Variants in CARMIL1 observed in about 807,000 individuals in gnomAD.
CARMIL1 encodes the protein capping protein regulator and myosin 1 linker 1, also known as F-actin-uncapping protein LRRC16A.
In CARMIL1, 90 loss-of-function variants were observed where a neutral mutation model predicts 177.1. The ratio of observed to expected loss-of-function variants is 0.51; its 90% confidence interval spans 0.43 to 0.61. The LOEUF is 0.61. CARMIL1 is among the 20% of genes least tolerant of loss of function. CARMIL1 has a pLI of 0.00. For missense variants in CARMIL1, 1,380 were observed against 1,667.0 expected, an observed-to-expected ratio of 0.83 and a Z score of 3.00; for synonymous variants, 577 against 606.2, an observed-to-expected ratio of 0.95 and a Z score of 0.71.
At chr6:25,372,923 C>G (rs1278637956) in intron 2 of CARMIL1, among the ~76,000 whole-genome samples, 1 of 152,010 alleles carries the variant, frequency 6.6e-6, no homozygotes, top group Non-Finnish European at 1.5e-5. Context: ...TTCCTTCTAT[C>G]CCTAGTTTGT....
chr6:25,483,799 G>T (rs1802365082), intron 12 of CARMIL1, among the ~76,000 whole-genome samples: 1 of 151,698 alleles, frequency 6.6e-6, no homozygotes, highest in South Asian at 2.1e-4. Flanking sequence ...ACAGGGTCTT[G>T]CTCTGTCACC....
At chr6:25,440,412 T>C (rs1797638446) in intron 5 of CARMIL1, among the ~76,000 whole-genome samples, 1 of 152,214 alleles carries the variant, frequency 6.6e-6, no homozygotes, top group Admixed American at 6.5e-5. Context: ...TGGCAGAGAG[T>C]TAAATTACCT....
At chr6:25,513,929 A>G (rs964771266) in intron 20 of CARMIL1, among the ~76,000 whole-genome samples, 1 of 152,170 alleles carries the variant, frequency 6.6e-6, no homozygotes, top group Non-Finnish European at 1.5e-5. Context: ...CTCCCAGGGA[A>G]GTCTGAATTC....
intron 27 of CARMIL1, 68 bp from the exon 28 acceptor site, chr6:25,553,941 C>G: frequency 1.0e-6 from 1 of 959,830 alleles, no homozygotes; most frequent in Non-Finnish European, 1.6e-6. Context: ...ACTATAGCAG[C>G]AAGGGTGGAT....
chr6:25,517,433 T>A lies in CARMIL1; in HGVS notation c.1874+18T>A. ...ATGGAAAAGTAAGTTTGAATTAGGA[T>A]TTCTTTCTAGGAAAATAAAAAAACA... On this transcript the variant is annotated intron_variant, in intron 22 of 36. Coordinates refer to ENST00000329474, the MANE Select transcript of CARMIL1 (RefSeq NM_017640.6). 6.2e-7 allele frequency: 1 copy of A among 1,605,048 alleles called. No individual in the cohort carries two copies. The highest frequency in any genetic ancestry group is 8.5e-7 in the Non-Finnish European group (1 of 1,173,034).
Position 25,559,034 on chromosome 6 carries a change from G to A in CARMIL1, c.2742+2184G>A, listed in dbSNP as rs548113724. On this transcript the variant is annotated intron_variant, in intron 29 of 36. Transcript: ENST00000329474. ...TGTGTGTGTAAAAAGTGCAAGTCGG[G>A]ATTTTATACTATTGATAATAATTTC... Among the ~76,000 whole-genome samples the A allele has an allele frequency of 1.3e-4, 20 of 152,208 alleles. No individual in the cohort carries two copies. In the South Asian group the frequency reaches 3.9e-3, roughly 30 times the overall value.
Position 25,558,761 on chromosome 6 carries a change from T to C in CARMIL1, c.2742+1911T>C, listed in dbSNP as rs1043823753. Among the ~76,000 whole-genome samples the C allele has an allele frequency of 6.6e-6, 1 of 152,122 alleles. No individual in the cohort carries two copies. Among genetic ancestry groups the C allele is most frequent in the African/African-American group, 2.4e-5 (1 of 41,422 alleles). The stretch of plus-strand genomic sequence containing the variant: ...GGAGGTAAGCAGGGAGGGCCATTCC[T>C]GAGATGAGCCTGTGTTGAGTCCTAG... On this transcript the variant is annotated intron_variant, in intron 29 of 36. Coordinates refer to ENST00000329474, the MANE Select transcript of CARMIL1 (RefSeq NM_017640.6). The surrounding 1 kb of genome is among the most constrained non-coding windows in gnomAD (Gnocchi z 4.1).
chr6:25,580,979 C>A lies in CARMIL1; in HGVS notation c.2798C>A (p.Ser933Tyr). 6.3e-7 allele frequency: 1 copy of A among 1,599,690 alleles called. No homozygotes were observed. The highest frequency in any genetic ancestry group is 2.2e-5 in the East Asian group (1 of 44,482). ...CATAGCCGAATGCTGCGGCCTGTTT[C>A]TAGGGCTTTTGGTAAGTGTTTTGCT... ...SIHSRMLRPV[S>Y]RAFEMEFDLD... The change falls in exon 30 of 37, where the codon TCT (serine) becomes TAT (tyrosine). Residue 933 changes from serine to tyrosine, a missense_variant. Physicochemically the swap from Ser to Tyr is moderately radical, Grantham distance 144. Coordinates refer to ENST00000329474, the MANE Select transcript of CARMIL1 (RefSeq NM_017640.6).
chr6:25,281,007 T>C (rs989042655), intron 1 of CARMIL1, among the ~76,000 whole-genome samples: 3 of 152,080 alleles, frequency 2.0e-5, no homozygotes, highest in Non-Finnish European at 2.9e-5. Flanking sequence ...CAGGTAAAAC[T>C]TGATGTAGAG....
rs773906950 is a variant in CARMIL1 at position 25,517,381 on chromosome 6, C to G, written c.1840C>G (p.Gln614Glu). 6.2e-7 allele frequency: 1 copy of G among 1,613,352 alleles called. No individual in the cohort carries two copies. Among genetic ancestry groups the G allele is most frequent in the Non-Finnish European group, 8.5e-7 (1 of 1,179,612 alleles). Residue 614 changes from glutamine to glutamate, a missense_variant, in exon 22 of 37, where the codon CAA (glutamine) becomes GAA (glutamate). By Grantham distance (29) the Gln-to-Glu change is conservative. Coordinates refer to ENST00000329474, the MANE Select transcript of CARMIL1 (RefSeq NM_017640.6). Reference sequence around the variant, plus strand: ...ATGGGACAAGAACAACATCACTGCACAAGGCTTTCAGGATATAGCTGTTGC... The same window carrying G: ...ATGGGACAAGAACAACATCACTGCAGAAGGCTTTCAGGATATAGCTGTTGC... ...VIWDKNNITA[Q>E]GFQDIAVAME...
chr6:25,529,063 G>A (rs535791506), intron 24 of CARMIL1, among the ~76,000 whole-genome samples, 170 bp downstream of exon 24: 1 of 152,282 alleles, frequency 6.6e-6, no homozygotes, highest in African/African-American at 2.4e-5. Context: ...GGAAAAGGTA[G>A]GCTAATTCTA....
At chr6:25,472,346 C>T in intron 10 of CARMIL1, 81 bp from the exon 11 acceptor site, 1 of 951,086 alleles carries the variant, frequency 1.1e-6, no homozygotes, top group Non-Finnish European at 1.6e-6. Flanking sequence ...ATTTAGATTT[C>T]ACTCTGTTCT....
intron 24 of CARMIL1, 109 bp from the exon 25 acceptor site, chr6:25,537,746 A>T: frequency 7.6e-7 from 1 of 1,309,784 alleles, no homozygotes; most frequent in Non-Finnish European, 1.1e-6. Context: ...ATCCTTGTGC[A>T]TTCTGTGGTT....
At chr6:25,301,435 A>G (rs1042462703) in intron 2 of CARMIL1, among the ~76,000 whole-genome samples, 1 of 152,162 alleles carries the variant, frequency 6.6e-6, no homozygotes, top group East Asian at 1.9e-4. Context: ...AGTTTTCTAG[A>G]AGGCCCAACT....
At chr6:25,414,310 C>T (rs1795184587) in intron 2 of CARMIL1, among the ~76,000 whole-genome samples, 1 of 152,148 alleles carries the variant, frequency 6.6e-6, no homozygotes, top group South Asian at 2.1e-4. Flanking sequence ...TCCCAGTTTT[C>T]TGGGATGCAG....
At chr6:25,371,634 T>C (rs1026649739) in intron 2 of CARMIL1, among the ~76,000 whole-genome samples, 1 of 152,208 alleles carries the variant, frequency 6.6e-6, no homozygotes, top group African/African-American at 2.4e-5. Flanking sequence ...GCTAATTTAT[T>C]TGAGTTACTT....
chr6:25,346,240 C>G (rs531671668), intron 2 of CARMIL1, among the ~76,000 whole-genome samples: 5 of 152,312 alleles, frequency 3.3e-5, no homozygotes, highest in Admixed American at 3.3e-4. Context: ...GGCTTCATCT[C>G]CCACTTCCCG....
chr6:25,550,916 C>G lies in CARMIL1; in HGVS notation c.2335C>G (p.Leu779Val). ...CACTTGTGCTGCATTGCAGGCGTTG[C>G]TTGAGTCCATGGTTGATGCTGCTGA... ...RVVDEQLKALLESMVDAAENL... is the reference protein window; with the variant it reads ...RVVDEQLKALVESMVDAAENL... Residue 779 changes from leucine to valine, a missense_variant, in exon 27 of 37, where the codon CTT becomes GTT. Leu to Val is a conservative substitution (Grantham distance 32, BLOSUM62 1). Transcript: ENST00000329474. The G allele has an allele frequency of 6.2e-7, 1 of 1,613,008 alleles. No homozygotes were observed. Among genetic ancestry groups the G allele is most frequent in the Admixed American group, 1.7e-5 (1 of 59,934 alleles).
At chr6:25,570,731 T>A (rs1366036542) in intron 29 of CARMIL1, among the ~76,000 whole-genome samples, 1 of 152,204 alleles carries the variant, frequency 6.6e-6, no homozygotes, top group Non-Finnish European at 1.5e-5. Context: ...TTATGTGAAA[T>A]GAGACTCTGG....
Sources: allele counts gnomAD v4.1 joint callset (sites outside exome capture counted in the v4.1 genomes callset), GRCh38; gene constraint gnomAD v4.1.1; non-coding constraint Gnocchi (gnomAD v3.1); transcripts MANE v1.5; gene names NCBI Gene and HGNC (gene_info 2026-07-23, HGNC 2026-07-21).